Variants in NKAIN2 observed in about 807,000 individuals in gnomAD.
NKAIN2 encodes sodium/potassium transporting ATPase interacting 2.
NKAIN2 carries 14 observed loss-of-function variants against 32.6 expected under a neutral mutation model. The ratio of observed to expected loss-of-function variants is 0.43; its 90% CI spans 0.28 to 0.67. The LOEUF (loss-of-function observed/expected upper bound fraction) is 0.67, where lower values mean the gene tolerates loss of function less well. Among genes scored for constraint, NKAIN2 ranks in the 30% least tolerant of loss-of-function variants. The probability of loss-of-function intolerance (pLI) is 0.17; values close to 1 mark genes in which losing one functional copy is unlikely to be tolerated. For missense variants in NKAIN2, 198 were observed against 258.3 expected (o/e 0.77, Z 1.60); for synonymous variants, 80 against 87.2 (o/e 0.92, Z 0.46).
chr6:124,459,033 G>A (rs1776427554), intron 3 of NKAIN2, among the ~76,000 whole-genome samples: 1 of 151,824 alleles, frequency 6.6e-6, no homozygotes, highest in African/African-American at 2.4e-5. Flanking sequence ...TCTAGTGAAT[G>A]TCGATTGACT....
chr6:123,931,323 C>G (rs1776244140), intron 1 of NKAIN2, among the ~76,000 whole-genome samples: 2 of 152,180 alleles, frequency 1.3e-5, no homozygotes, highest in Non-Finnish European at 2.9e-5. Context: ...CTTTCTGACA[C>G]TGTCCCTGAG....
Position 124,422,669 on chromosome 6 carries a change from A to G in NKAIN2, c.273+67322A>G, listed in dbSNP as rs138463388. 2.2e-4 allele frequency among the ~76,000 whole-genome samples: 33 copies of G among 152,368 alleles called. No individual in the cohort carries two copies. In the East Asian group the frequency reaches 6.4e-3, roughly 29 times the overall value. The stretch of plus-strand genomic sequence containing the variant: ...AAAACAAAACAACAAAACAACAATT[A>G]CAAAAAACAGCAATAAAAGCAGCTT... On this transcript the variant is annotated intron_variant, in intron 3 of 6. Transcript: ENST00000368417.
intron 2 of NKAIN2, among the ~76,000 whole-genome samples, chr6:124,354,715 TA>T: frequency 6.6e-6 from 1 of 152,150 alleles, no homozygotes; most frequent in African/African-American, 2.4e-5. Flanking sequence ...CTGAATTTTT[TA>T]GATGTCTAGA....
At chr6:124,094,266 C>A (rs1254487016) in intron 1 of NKAIN2, among the ~76,000 whole-genome samples, 1 of 152,118 alleles carries the variant, frequency 6.6e-6, no homozygotes, top group Non-Finnish European at 1.5e-5. Flanking sequence ...ACTTATGATT[C>A]ATTTCCTCAT....
At chr6:124,819,049 C>A in intron 6 of NKAIN2, 1 of 407,468 alleles carries the variant, frequency 2.5e-6, no homozygotes, top group Non-Finnish European at 3.3e-6. Context: ...GGAGAGCAGA[C>A]ATACAATCAG....
chr6:124,136,651 A>G (rs2114300523), intron 1 of NKAIN2, among the ~76,000 whole-genome samples: 1 of 152,282 alleles, frequency 6.6e-6, no homozygotes, highest in African/African-American at 2.4e-5. Context: ...CACAAAGATA[A>G]TATGTCGTGA....
At chr6:123,865,745 T>C (rs1775955864) in intron 1 of NKAIN2, among the ~76,000 whole-genome samples, 1 of 152,160 alleles carries the variant, frequency 6.6e-6, no homozygotes, top group African/African-American at 2.4e-5. Context: ...GTCAAGCCAT[T>C]GCCATTACAC....
chr6:124,020,085 C>T (rs1201837317), intron 1 of NKAIN2, among the ~76,000 whole-genome samples: 1 of 152,078 alleles, frequency 6.6e-6, no homozygotes, highest in Non-Finnish European at 1.5e-5. Context: ...ATCTCTCTTT[C>T]CTTCCTTATG....
intron 1 of NKAIN2, among the ~76,000 whole-genome samples, chr6:124,240,762 T>TTA (rs1793045037): frequency 6.6e-6 from 1 of 152,076 alleles, no homozygotes; most frequent in African/African-American, 2.4e-5. Context: ...AATGAGCTAT[T>TTA]TATGACAATC....
intron 3 of NKAIN2, among the ~76,000 whole-genome samples, chr6:124,421,756 T>C (rs1216720562): frequency 6.6e-6 from 1 of 152,104 alleles, no homozygotes; most frequent in Non-Finnish European, 1.5e-5. Context: ...GGTTATTTTA[T>C]TAAGGTTTGT....
At chr6:123,816,336 C>A (rs1773693105) in intron 1 of NKAIN2, among the ~76,000 whole-genome samples, 1 of 152,044 alleles carries the variant, frequency 6.6e-6, no homozygotes, top group African/African-American at 2.4e-5. Flanking sequence ...TGTTAATCAT[C>A]AAGGCGTATG....
At chr6:124,201,011 T>A (rs891352963) in intron 1 of NKAIN2, among the ~76,000 whole-genome samples, 1 of 151,988 alleles carries the variant, frequency 6.6e-6, no homozygotes, top group African/African-American at 2.4e-5. Flanking sequence ...TCAGCAATGG[T>A]TGTGGGTTTA....
At chr6:123,840,803 T>C (rs1774836915) in intron 1 of NKAIN2, among the ~76,000 whole-genome samples, 1 of 152,142 alleles carries the variant, frequency 6.6e-6, no homozygotes, top group Admixed American at 6.6e-5. Flanking sequence ...GAAAGAACAC[T>C]TTCATTAATT....
intron 1 of NKAIN2, among the ~76,000 whole-genome samples, chr6:124,181,110 G>A (rs148394417): frequency 7.4e-4 from 112 of 152,248 alleles, no homozygotes; most frequent in African/African-American, 2.6e-3. Context: ...CTTGACTTCT[G>A]TGTACCTGCA....
At chr6:124,341,629 A>AT (rs1028137906) in intron 2 of NKAIN2, among the ~76,000 whole-genome samples, 1 of 152,226 alleles carries the variant, frequency 6.6e-6, no homozygotes, top group Admixed American at 6.5e-5. Context: ...AGCAGCACTG[A>AT]TAAAAAATGA....
chr6:124,407,817 GT>G (rs1583201691), intron 3 of NKAIN2, among the ~76,000 whole-genome samples: 1 of 150,806 alleles, frequency 6.6e-6, no homozygotes, highest in African/African-American at 2.4e-5. Context: ...CACCAACAGT[GT>G]AAAAGTGTTC....
chr6:124,272,169 C>T (rs1453154023), intron 1 of NKAIN2, among the ~76,000 whole-genome samples: 1 of 152,212 alleles, frequency 6.6e-6, no homozygotes, highest in African/African-American at 2.4e-5. Context: ...AAGTGTTAAT[C>T]GCTAAGACAA....
intron 1 of NKAIN2, among the ~76,000 whole-genome samples, chr6:123,925,139 G>A (rs944856426): frequency 6.6e-6 from 1 of 152,044 alleles, no homozygotes; most frequent in African/African-American, 2.4e-5. Context: ...CAATGAATGT[G>A]CTTATATGAA....
At chr6:123,829,883 C>G (rs996140325) in intron 1 of NKAIN2, among the ~76,000 whole-genome samples, 10 of 152,126 alleles carry the variant, frequency 6.6e-5, no homozygotes, top group African/African-American at 2.4e-4. Context: ...TTTCAGTGTT[C>G]TTTGTTTTGG....
Sources: gnomAD v4.1 joint callset for allele counts (sites outside exome capture counted in the v4.1 genomes callset) on GRCh38, gnomAD v4.1.1 for gene constraint, MANE v1.5 for transcripts, NCBI Gene and HGNC (gene_info 2026-07-23, HGNC 2026-07-21) for gene names.